The following PGR variants were observed in gnomAD, a reference collection of about 807,000 sequenced individuals.
PGR encodes the protein nuclear receptor subfamily 3 group C member 3.
In PGR, 25 loss-of-function variants were observed where a neutral mutation model predicts 76.1. That is an observed-to-expected ratio of 0.33 (90% CI 0.24 to 0.46). The LOEUF (loss-of-function observed/expected upper bound fraction) is 0.46, where lower values mean the gene tolerates loss of function less well. Ranked by LOEUF, PGR falls within the 20% of genes least tolerant of loss-of-function variation. The probability of loss-of-function intolerance (pLI) is 1.00; values close to 1 mark genes in which losing one functional copy is unlikely to be tolerated. For missense variants in PGR, 1,172 were observed against 1,225.3 expected, an observed-to-expected ratio of 0.96 and a Z score of 0.65; for synonymous variants, 579 against 535.0, an observed-to-expected ratio of 1.08 and a Z score of -1.14.
Position 101,128,048 on chromosome 11 carries a change from CG to C in PGR, c.1022del (p.Pro341ArgfsTer15). 1 of 1,604,442 alleles carries C rather than the reference CG, an allele frequency of 6.2e-7. No homozygotes were observed. Among genetic ancestry groups the C allele is most frequent in the Non-Finnish European group, 8.5e-7 (1 of 1,179,750 alleles). On this transcript the variant is annotated frameshift_variant, in exon 1 of 8. Transcript: ENST00000325455. LOFTEE classifies it high-confidence loss of function. Reference sequence around the variant, plus strand: ...ACGAGGCACAGGGTGAACTCCGCGGCGGGGCAAAGGCGCTGGCAGCCCCGGC... The same window carrying C: ...ACGAGGCACAGGGTGAACTCCGCGGCGGGCAAAGGCGCTGGCAGCCCCGGC... ...GGAGAASAFA[P>X]PRSSPCASST...
At chr11:101,059,842 C>CAAAAAAAAAAAAA (rs781123527) in intron 4 of PGR, among the ~76,000 whole-genome samples, 13 of 62,782 alleles carry the variant, frequency 2.1e-4, no homozygotes, top group East Asian at 8.1e-4. Flanking sequence ...GACCCTCTCT[C>CAAAAAAAAAAAAA]AAAAAAAAAA....
rs1470399356 is a variant in PGR, at chr11:101,033,998, C to T, written c.*5118G>A. ...TTTAAATATTTTATTCATATCTATC[C>T]GAATATTGACCAGGACACTAATGCC... is the stretch of plus-strand genomic sequence containing the variant. On this transcript the variant is annotated 3_prime_UTR_variant, in exon 8 of 8. Transcript: ENST00000325455. 2.2e-5 allele frequency: 5 copies of T among 229,158 alleles called. No individual in the cohort carries two copies. Among genetic ancestry groups the T allele is most frequent in the East Asian group, 6.3e-5 (1 of 15,990 alleles). 14.2% of individuals were successfully genotyped at this position (229,158 alleles called of 1,614,324 possible). A position where few individuals can be genotyped will look rare whatever the true frequency, so the allele number is the denominator to read the frequency against.
intron 3 of PGR, among the ~76,000 whole-genome samples, chr11:101,069,390 G>A (rs1007785167): frequency 6.6e-6 from 1 of 152,194 alleles, no homozygotes; most frequent in Non-Finnish European, 1.5e-5. Context: ...GGAGAAATAG[G>A]AAAGCTTTTA....
At chr11:101,050,183 T>C in intron 5 of PGR, 124 bp from the exon 6 acceptor site, 1 of 922,890 alleles carries the variant, frequency 1.1e-6, no homozygotes, top group South Asian at 1.5e-5. Flanking sequence ...TGAAAATGAC[T>C]ACTACTTTTA....
rs780611642 is a variant in PGR, at chr11:101,129,110, A to T, written c.-40T>A. 9 of 803,090 alleles carry T rather than the reference A, an allele frequency of 1.1e-5. No individual in the cohort carries two copies. In the African/African-American group the frequency reaches 1.7e-4, roughly 15 times the overall value. The allele number at this position is 803,090 out of a possible 1,614,324, so 49.7% of individuals were successfully genotyped here. ...CCTTTTCTCCTCCCCCGTCTCCAGG[A>T]GGAGGGAAAAGGGAAGGAGGAGGGG... On this transcript the variant is annotated 5_prime_UTR_variant, in exon 1 of 8. Coordinates refer to ENST00000325455, the MANE Select transcript of PGR (RefSeq NM_000926.4).
chr11:101,126,414 G>A lies in PGR; in HGVS notation c.1638-256C>T, dbSNP rs1429965964. Among the ~76,000 whole-genome samples, 6 of 152,146 alleles carry A rather than the reference G, an allele frequency of 3.9e-5. No homozygotes were observed. In the East Asian group the frequency reaches 1.2e-3, roughly 29 times the overall value. On this transcript the variant is annotated intron_variant, in intron 1 of 7. Transcript: ENST00000325455. ...AATTAGTGTATAATATTATGTCCTA[G>A]AAAGTTAAAGTCGGTTAAAAGGAAA...
chr11:101,045,129 G>C (rs990064003), intron 6 of PGR, among the ~76,000 whole-genome samples: 1 of 152,114 alleles, frequency 6.6e-6, no homozygotes, highest in African/African-American at 2.4e-5. Flanking sequence ...AGAAAAGAAG[G>C]CCAGAGATAC....
intron 3 of PGR, among the ~76,000 whole-genome samples, chr11:101,079,629 T>C (rs953488346): frequency 5.3e-5 from 8 of 152,192 alleles, no homozygotes; most frequent in African/African-American, 1.9e-4. Context: ...GGTGAGGATA[T>C]GGAGAAAGAG....
At position 101,127,928 on chromosome 11, in the gene PGR, C is replaced by T; in HGVS notation, c.1143G>A (p.Gln381=). 1 of 1,611,316 alleles carries T rather than the reference C, an allele frequency of 6.2e-7. No individual in the cohort carries two copies. The highest frequency in any genetic ancestry group is 1.1e-5 in the South Asian group (1 of 91,052). The change falls in exon 1 of 8, where the codon CAG becomes CAA. Residue 381 remains glutamine (Q), a synonymous_variant. Transcript: ENST00000325455. ...CCTCCTTTATCTTTAGAGCGGGCGG[C>T]TGGAAGTCGCTATAGAGAGGGTACG... ...DDAYPLYSDF[Q]PPALKIKEEE... is the part of the protein sequence containing the mutation.
At chr11:101,085,534 A>AAAAAAAAAAAAAAAAAC (rs1861466841) in intron 3 of PGR, among the ~76,000 whole-genome samples, 1 of 148,254 alleles carries the variant, frequency 6.7e-6, no homozygotes, top group African/African-American at 2.4e-5. Context: ...CTAAAAAAAA[A>AAAAAAAAAAAAAAAAAC]AAAAAAAAAA....
rs1433026504 is a variant in PGR, at chr11:101,035,971, T to A, written c.*3145A>T. The A allele has an allele frequency of 8.8e-6, 2 of 227,950 alleles. No homozygotes were observed. Among genetic ancestry groups the A allele is most frequent in the Non-Finnish European group, 1.7e-5 (2 of 114,868 alleles). 14.1% of individuals were successfully genotyped at this position (227,950 alleles called of 1,614,324 possible). A position where few individuals can be genotyped will look rare whatever the true frequency, so the allele number is the denominator to read the frequency against. ...TCTGAAGGCCTGTATACGTTTTTTT[T>A]GGTTTCCATTTCTATTCATTACAAA... On this transcript the variant is annotated 3_prime_UTR_variant, in exon 8 of 8. Transcript: ENST00000325455.
rs773981842 is a variant in PGR, at chr11:101,127,766, C to G, written c.1305G>C (p.Gly435=). ...LPPRATPSRP[G]EAAVTAAPAS... ...CGGGTGCGGCCGTCACCGCCGCTTC[C>G]CCGGGTCTGGATGGGGTCGCTCGCG... The change falls in exon 1 of 8, where the codon GGG becomes GGC. Residue 435 remains glycine, a synonymous_variant. Coordinates refer to ENST00000325455, the MANE Select transcript of PGR (RefSeq NM_000926.4). The G allele has an allele frequency of 1.4e-3, 2,261 of 1,562,260 alleles. 4 individuals are homozygous for G. Among genetic ancestry groups the G allele is most frequent in the Non-Finnish European group, 1.8e-3 (2,039 of 1,162,496 alleles).
intron 2 of PGR, among the ~76,000 whole-genome samples, chr11:101,107,482 A>T (rs1019058116): frequency 6.6e-6 from 1 of 152,238 alleles, no homozygotes; most frequent in Non-Finnish European, 1.5e-5. Context: ...AACAGTAAGC[A>T]TTTAGAGAAT....
chr11:101,051,734 G>A (rs1233463141), intron 4 of PGR, among the ~76,000 whole-genome samples, 166 bp from the exon 5 acceptor site: 1 of 152,044 alleles, frequency 6.6e-6, no homozygotes. Flanking sequence ...AAATAATACA[G>A]CCTAAAATAT....
At chr11:101,122,190 C>T (rs1862702488) in intron 2 of PGR, among the ~76,000 whole-genome samples, 1 of 146,882 alleles carries the variant, frequency 6.8e-6, no homozygotes, top group Non-Finnish European at 1.5e-5. Context: ...ATATGCAATA[C>T]AATTGAAAAT....
At chr11:101,126,820 C>G (rs1336823591) in intron 1 of PGR, among the ~76,000 whole-genome samples, 1 of 152,170 alleles carries the variant, frequency 6.6e-6, no homozygotes, top group Non-Finnish European at 1.5e-5. Flanking sequence ...AATGCAGTGA[C>G]AGGCGTTTAA....
intron 7 of PGR, among the ~76,000 whole-genome samples, chr11:101,041,464 T>A (rs1859691709): frequency 6.6e-6 from 1 of 152,132 alleles, no homozygotes; most frequent in Non-Finnish European, 1.5e-5. Context: ...ATATTACATT[T>A]GTCTAATTAT....
rs1438427455 is a variant in PGR, at chr11:101,031,757, C to T, written c.*7359G>A. ...TGGAACTTGGTTCCATAGAAGGAAT[C>T]CCAGATAAGGCTTTTTAAAAGCCGA... On this transcript the variant is annotated 3_prime_UTR_variant, in exon 8 of 8. Transcript: ENST00000325455. The T allele has an allele frequency of 2.2e-5, 5 of 227,792 alleles. No homozygotes were observed. Among genetic ancestry groups the T allele is most frequent in the Admixed American group, 5.7e-5 (1 of 17,572 alleles). The allele number at this position is 227,792 out of a possible 1,614,324, so 14.1% of individuals were successfully genotyped here.
intron 3 of PGR, among the ~76,000 whole-genome samples, chr11:101,079,066 AC>A (rs1861219668): frequency 6.6e-6 from 1 of 152,134 alleles, no homozygotes; most frequent in Non-Finnish European, 1.5e-5. Context: ...TGCTGGGAAA[AC>A]TGGCTACCTA....
Sources: allele counts gnomAD v4.1 joint callset (sites outside exome capture counted in the v4.1 genomes callset), GRCh38; gene constraint gnomAD v4.1.1; transcripts MANE v1.5; gene names NCBI Gene and HGNC (gene_info 2026-07-23, HGNC 2026-07-21).